Variants in IMMP2L observed in about 807,000 individuals in gnomAD.
IMMP2L encodes the protein inner mitochondrial membrane peptidase subunit 2.
In IMMP2L, 18 loss-of-function variants were observed where a neutral mutation model predicts 19.3. The observed-to-expected ratio is 0.93, with a 90% CI of 0.64 to 1.38. The LOEUF (loss-of-function observed/expected upper bound fraction) is 1.38. Among genes scored for constraint, IMMP2L ranks in the 40% most tolerant of loss-of-function variants. The probability of loss-of-function intolerance (pLI) is 0.00; values close to 1 mark genes in which losing one functional copy is unlikely to be tolerated. For synonymous variants in IMMP2L, 76 were observed against 73.0 expected, an observed-to-expected ratio of 1.04 and a Z score of -0.21; for missense variants, 233 against 218.2, an observed-to-expected ratio of 1.07 and a Z score of -0.43.
chr7:110,663,857 C>T (rs1284734768), intron 5 of IMMP2L, 136 bp from the exon 6 acceptor site: 16 of 555,128 alleles, frequency 2.9e-5, no homozygotes, highest in Non-Finnish European at 4.8e-5. Flanking sequence ...AAATAGTAAA[C>T]ACCTTTTGTA....
intron 3 of IMMP2L, among the ~76,000 whole-genome samples, chr7:111,221,679 C>T (rs1812535281): frequency 6.6e-6 from 1 of 151,874 alleles, no homozygotes; most frequent in Admixed American, 6.6e-5. Flanking sequence ...AATATAAATA[C>T]AGCAAATTTG....
intron 3 of IMMP2L, among the ~76,000 whole-genome samples, chr7:111,453,779 T>G (rs1563212337): frequency 6.6e-6 from 1 of 152,174 alleles, no homozygotes; most frequent in Non-Finnish European, 1.5e-5. Context: ...ATCCTTCCTG[T>G]TATTTTATTT....
At chr7:111,554,369 CA>C (rs899947161) in intron 1 of IMMP2L, among the ~76,000 whole-genome samples, 1 of 151,986 alleles carries the variant, frequency 6.6e-6, no homozygotes, top group African/African-American at 2.4e-5. Context: ...TCACGCAGAA[CA>C]AGAAGAAAGG....
chr7:111,412,425 T>C (rs1368018673), intron 3 of IMMP2L, among the ~76,000 whole-genome samples: 4 of 151,738 alleles, frequency 2.6e-5, no homozygotes, highest in Non-Finnish European at 5.9e-5. Context: ...AAAAAATGGA[T>C]TGAAATCACT....
intron 1 of IMMP2L, among the ~76,000 whole-genome samples, chr7:111,527,518 T>C (rs1484031105): frequency 6.6e-6 from 1 of 152,030 alleles, no homozygotes; most frequent in Non-Finnish European, 1.5e-5. Flanking sequence ...TCTTAAGAAC[T>C]TTGGCAGATA....
intron 3 of IMMP2L, among the ~76,000 whole-genome samples, chr7:111,350,774 A>G (rs943580484): frequency 2.0e-5 from 3 of 152,132 alleles, no homozygotes; most frequent in African/African-American, 7.2e-5. Flanking sequence ...CATAGTCACC[A>G]TGAGGACTTT....
At chr7:111,505,762 T>C (rs1047740685) in intron 2 of IMMP2L, among the ~76,000 whole-genome samples, 11 of 151,970 alleles carry the variant, frequency 7.2e-5, no homozygotes, top group Non-Finnish European at 1.2e-4. Flanking sequence ...TAGGTGGGAA[T>C]TGAACAATGA....
rs1321976611 is a variant in IMMP2L, at chr7:111,284,814, T to A, written c.239+202424A>T. On this transcript the variant is annotated intron_variant, in intron 3 of 5. Coordinates refer to ENST00000405709, the MANE Select transcript of IMMP2L (RefSeq NM_032549.4). ...GGGTTTTTGGAATACTACAAAACTATCCATCTTTATGGTGGACAAAAAGTT... is the reference window on the plus strand; with the variant it reads ...GGGTTTTTGGAATACTACAAAACTAACCATCTTTATGGTGGACAAAAAGTT... 1.3e-4 allele frequency among the ~76,000 whole-genome samples: 20 copies of A among 152,296 alleles called. No individual in the cohort carries two copies. In the East Asian group the frequency reaches 3.9e-3, roughly 29 times the overall value.
chr7:111,266,255 C>T (rs953991633), intron 3 of IMMP2L, among the ~76,000 whole-genome samples: 2 of 151,850 alleles, frequency 1.3e-5, no homozygotes, highest in Non-Finnish European at 2.9e-5. Flanking sequence ...TTAAAAGAAA[C>T]CAGGGAGCCA....
intron 1 of IMMP2L, among the ~76,000 whole-genome samples, chr7:111,543,685 T>C (rs751994387): frequency 3.3e-5 from 5 of 152,176 alleles, no homozygotes; most frequent in African/African-American, 7.2e-5. Context: ...AAGCAAAAGA[T>C]ATGTAAATCA....
chr7:111,017,528 C>A (rs1825835876), intron 3 of IMMP2L, among the ~76,000 whole-genome samples: 2 of 152,092 alleles, frequency 1.3e-5, no homozygotes, highest in South Asian at 4.1e-4. Context: ...GACTGAAAAA[C>A]AGGAGGCTTA....
chr7:111,333,595 G>C (rs1463697598), intron 3 of IMMP2L, among the ~76,000 whole-genome samples: 1 of 151,954 alleles, frequency 6.6e-6, no homozygotes, highest in Admixed American at 6.6e-5. Context: ...TGTCTGTGAG[G>C]GTGCTACCAA....
chr7:110,860,664 G>C (rs1279555452), intron 5 of IMMP2L, among the ~76,000 whole-genome samples: 4 of 152,060 alleles, frequency 2.6e-5, no homozygotes, highest in African/African-American at 9.7e-5. Context: ...CCGCACTGAT[G>C]CTGCAACTAT....
intron 3 of IMMP2L, among the ~76,000 whole-genome samples, chr7:111,305,296 T>C (rs1018546489): frequency 1.3e-5 from 2 of 152,138 alleles, no homozygotes; most frequent in African/African-American, 2.4e-5. Flanking sequence ...ATCAGCTGGC[T>C]TCAGGGCTTT....
rs1824210786 is a variant in IMMP2L, at chr7:111,317,246, C to T, written c.239+169992G>A. Among the ~76,000 whole-genome samples the T allele has an allele frequency of 2.6e-5, 4 of 152,066 alleles. No individual in the cohort carries two copies. The South Asian group carries it at 8.3e-4, about 31-fold the overall frequency. ...ACATCCTGTACCCACTCAGGCCTAC[C>T]TCATTTCATTCAAGAGATAAGTACA... On this transcript the variant is annotated intron_variant, in intron 3 of 5. Coordinates refer to ENST00000405709, the MANE Select transcript of IMMP2L (RefSeq NM_032549.4).
At chr7:111,489,799 C>A (rs1842944725) in intron 2 of IMMP2L, among the ~76,000 whole-genome samples, 3 of 152,090 alleles carry the variant, frequency 2.0e-5, no homozygotes. Flanking sequence ...AAATTCCCTG[C>A]TACTCATTTC....
intron 3 of IMMP2L, among the ~76,000 whole-genome samples, chr7:111,195,985 G>A (rs1279769113): frequency 1.3e-5 from 2 of 151,930 alleles, no homozygotes; most frequent in African/African-American, 2.4e-5. Context: ...TCCCACCTTA[G>A]CCTCCAAGCA....
At chr7:111,470,079 C>A (rs1486468772) in intron 3 of IMMP2L, among the ~76,000 whole-genome samples, 1 of 152,172 alleles carries the variant, frequency 6.6e-6, no homozygotes, top group Admixed American at 6.5e-5. Flanking sequence ...TGAACAGACA[C>A]TTCTCAAAAG....
intron 3 of IMMP2L, among the ~76,000 whole-genome samples, chr7:111,051,489 T>G (rs535873790): frequency 6.6e-6 from 1 of 152,360 alleles, no homozygotes; most frequent in Non-Finnish European, 1.5e-5. Context: ...ATTTCTGAAG[T>G]GTTTCAAAGC....
Sources: allele counts gnomAD v4.1 joint callset (sites outside exome capture counted in the v4.1 genomes callset), GRCh38; gene constraint gnomAD v4.1.1; transcripts MANE v1.5; gene names NCBI Gene and HGNC (gene_info 2026-07-23, HGNC 2026-07-21).